CCDC42: variants seen among roughly 807,000 people sequenced by gnomAD.
CCDC42 encodes coiled-coil domain-containing protein 42.
CCDC42 carries 38 observed loss-of-function variants against 40.8 expected under a neutral mutation model. The observed-to-expected ratio is 0.93, with a 90% CI of 0.72 to 1.22. The LOEUF (loss-of-function observed/expected upper bound fraction) is 1.22. CCDC42 is among the 50% of genes most tolerant of loss of function. CCDC42 has a pLI of 0.00. For missense variants in CCDC42, 379 were observed against 416.5 expected (o/e 0.91, Z 0.78); for synonymous variants, 135 against 157.5 (o/e 0.86, Z 1.07).
chr17:8,741,347 G>A (rs1239202733), intron 4 of CCDC42, 127 bp downstream of exon 4: 1 of 931,000 alleles, frequency 1.1e-6, no homozygotes, highest in Non-Finnish European at 1.7e-6. Context: ...CAGAGCTCCT[G>A]GGGCCCAGAG....
rs979862478 is a variant in CCDC42 at position 8,735,933 on chromosome 17, T to C, written c.493-322A>G. On this transcript the variant is annotated intron_variant, in intron 4 of 6. Transcript: ENST00000293845. This position sits in a 1 kb window ranked among gnomAD's most constrained non-coding sequence, Gnocchi z 4.7. ...CAGTCTCCACCCCCAGAGATTCAGA[T>C]GAATAAACAAGTCTTCTGTGGTCTC... is the stretch of plus-strand genomic sequence containing the variant. 6.6e-6 allele frequency among the ~76,000 whole-genome samples: 1 copy of C among 152,190 alleles called. No individual in the cohort carries two copies. The highest frequency in any genetic ancestry group is 2.4e-5 in the African/African-American group (1 of 41,452).
At chr17:8,741,783 C>T in intron 3 of CCDC42, 112 bp from the exon 4 acceptor site, 2 of 1,046,528 alleles carry the variant, frequency 1.9e-6, no homozygotes, top group South Asian at 3.1e-5. Context: ...ACAAACCATC[C>T]TGGCAACAGG....
chr17:8,744,380 A>C, intron 1 of CCDC42, 147 bp downstream of exon 1: 1 of 756,452 alleles, frequency 1.3e-6, no homozygotes. Flanking sequence ...GGTGGAGACC[A>C]GCGTGATGAG....
chr17:8,737,884 C>T (rs974928575), intron 4 of CCDC42, among the ~76,000 whole-genome samples: 20 of 152,362 alleles, frequency 1.3e-4, no homozygotes, highest in Middle Eastern at 3.4e-3. Flanking sequence ...GGCATAAACA[C>T]AGCTCACTGC....
rs781085439 is a variant in CCDC42 at position 8,735,517 on chromosome 17, A to G, written c.587T>C (p.Ile196Thr). The G allele has an allele frequency of 1.2e-6, 2 of 1,614,064 alleles. No individual in the cohort carries two copies. The highest frequency in any genetic ancestry group is 1.1e-5 in the South Asian group (1 of 91,078). Residue 196 changes from isoleucine (I) to threonine (T), a missense_variant, in exon 5 of 7, where the codon ATT becomes ACT. Transcript: ENST00000293845. This position sits in a 1 kb window ranked among gnomAD's most constrained non-coding sequence, Gnocchi z 4.7. ...CGCCAGCCGGGCCTTGGCGCGCTCA[A>G]TCTTCTCCTGGCCTTCCTGCGCAGA... ...MQSAQEGQEK[I>T]ERAKARLARY...
chr17:8,744,028 G>A, intron 2 of CCDC42, 51 bp downstream of exon 2: 6 of 1,220,572 alleles, frequency 4.9e-6, no homozygotes, highest in Admixed American at 3.7e-5. Flanking sequence ...CAGAGCCCCA[G>A]CCCACCCCCT....
chr17:8,742,466 G>A (rs779271927), intron 3 of CCDC42, among the ~76,000 whole-genome samples: 1 of 152,166 alleles, frequency 6.6e-6, no homozygotes, highest in African/African-American at 2.4e-5. Context: ...CTCAGTTACC[G>A]CAATCAGTCC....
At chr17:8,734,564 T>C (rs1220212211) in intron 6 of CCDC42, among the ~76,000 whole-genome samples, 1 of 152,106 alleles carries the variant, frequency 6.6e-6, no homozygotes, top group Admixed American at 6.5e-5. Context: ...TTTGTTTTTT[T>C]GAGGCTGGCC....
Position 8,730,131 on chromosome 17 carries a change from TA to T in CCDC42, c.949del (p.Ter317LysfsTer15). 6.2e-7 allele frequency: 1 copy of T among 1,613,730 alleles called. No individual in the cohort carries two copies. Among genetic ancestry groups the T allele is most frequent in the Non-Finnish European group, 8.5e-7 (1 of 1,179,704 alleles). ...KKKEQQRVRI* is the reference protein window; with the variant it reads ...KKKEQQRVRIX ...ACATTCTGGAACAAGGCTGCCTCCTTAAATCCGGACTCGCTGTTGTTCCTTC... is the reference window on the plus strand; with the variant it reads ...ACATTCTGGAACAAGGCTGCCTCCTTAATCCGGACTCGCTGTTGTTCCTTC... On this transcript the variant is annotated frameshift_variant and stop_lost, in exon 7 of 7. Transcript: ENST00000293845. LOFTEE classifies it high-confidence loss of function.
Position 8,735,800 on chromosome 17 carries a change from C to T in CCDC42, c.493-189G>A, listed in dbSNP as rs571568174. Among the ~76,000 whole-genome samples, 11 of 152,244 alleles carry T rather than the reference C, an allele frequency of 7.2e-5. No individual in the cohort carries two copies. Among genetic ancestry groups the T allele is most frequent in the Non-Finnish European group, 1.0e-4 (7 of 67,998 alleles). ...GCTGCCTGCTTCTCCTGGGTTTGTA[C>T]GGGCCACGGTCCATTTGTTGGGCAG... On this transcript the variant is annotated intron_variant, in intron 4 of 6. Transcript: ENST00000293845. This position sits in a 1 kb window ranked among gnomAD's most constrained non-coding sequence, Gnocchi z 4.7.
At chr17:8,738,600 A>G (rs1029258569) in intron 4 of CCDC42, among the ~76,000 whole-genome samples, 1 of 151,350 alleles carries the variant, frequency 6.6e-6, no homozygotes, top group Non-Finnish European at 1.5e-5. Flanking sequence ...GGAGTAGCTG[A>G]GATTACAGGC....
intron 4 of CCDC42, among the ~76,000 whole-genome samples, chr17:8,737,656 C>A (rs1014540873): frequency 5.3e-5 from 8 of 152,162 alleles, no homozygotes; most frequent in Non-Finnish European, 1.2e-4. Context: ...ATTCTGACTT[C>A]TATCAATAAA....
At chr17:8,731,516 G>T (rs1223787151) in intron 6 of CCDC42, among the ~76,000 whole-genome samples, 1 of 152,138 alleles carries the variant, frequency 6.6e-6, no homozygotes, top group African/African-American at 2.4e-5. Flanking sequence ...CCCATCAATG[G>T]TAGACTGGAT....
rs1478160855 is a variant in CCDC42, at chr17:8,741,663, G to A, written c.303C>T (p.Asp101=). The change falls in exon 4 of 7, where the codon GAC becomes GAT. Residue 101 remains aspartate (D), a synonymous_variant. Coordinates refer to ENST00000293845, the MANE Select transcript of CCDC42 (RefSeq NM_144681.3). ...QKSEQFIQEN[D]QKRIRAMKKA... ...TCTTCATGGCGCGGATCCGTTTCTGGTCGTTCTCCTGGGGCCCGGGGAGGT... is the reference window on the plus strand; with the variant it reads ...TCTTCATGGCGCGGATCCGTTTCTGATCGTTCTCCTGGGGCCCGGGGAGGT... 1.9e-6 allele frequency: 3 copies of A among 1,612,528 alleles called. No homozygotes were observed. Among genetic ancestry groups the A allele is most frequent in the Non-Finnish European group, 1.7e-6 (2 of 1,179,924 alleles).
chr17:8,744,117 T>A lies in CCDC42; in HGVS notation c.151A>T (p.Thr51Ser), dbSNP rs12952995. The change falls in exon 2 of 7, where the codon ACA (threonine) becomes TCA (serine). Residue 51 changes from threonine (T) to serine (S), a missense_variant. Transcript: ENST00000293845. ...ACCATAGTTTGATGCATGATTTCTG[T>A]CTCCTTTTTCTTCTCCAGTAGCCAG... ...SIWLLEKKKE[T>S]EIMHQTMVQK... 6.2e-7 allele frequency: 1 copy of A among 1,613,808 alleles called. No individual in the cohort carries two copies. Among genetic ancestry groups the A allele is most frequent in the Admixed American group, 1.7e-5 (1 of 59,974 alleles).
At position 8,735,888 on chromosome 17, in the gene CCDC42, G is replaced by A. The variant is rs2086609256; in HGVS notation, c.493-277C>T. On this transcript the variant is annotated intron_variant, in intron 4 of 6. Coordinates refer to ENST00000293845, the MANE Select transcript of CCDC42 (RefSeq NM_144681.3). This position sits in a 1 kb window ranked among gnomAD's most constrained non-coding sequence, Gnocchi z 4.7. Reference sequence around the variant, plus strand: ...CTGCATGTGAGAATCACCTGTAGGGGCTTTAAAAAGGACACCTGCCAGTCT... The same window carrying A: ...CTGCATGTGAGAATCACCTGTAGGGACTTTAAAAAGGACACCTGCCAGTCT... 6.6e-6 allele frequency among the ~76,000 whole-genome samples: 1 copy of A among 152,188 alleles called. No individual in the cohort carries two copies. Among genetic ancestry groups the A allele is most frequent in the South Asian group, 2.1e-4 (1 of 4,832 alleles).
chr17:8,742,569 C>T (rs916130696), intron 3 of CCDC42, among the ~76,000 whole-genome samples: 1 of 152,210 alleles, frequency 6.6e-6, no homozygotes, highest in African/African-American at 2.4e-5. Context: ...TTCAGGGGCT[C>T]CTGTGATTCC....
rs2151140142 is a variant in CCDC42 at position 8,741,385 on chromosome 17, T to G, written c.492+89A>C. ...TCCACAGTCCCCAGCCAGCTGAGCC[T>G]GAATTCCATCCCATGGCCCCAGGCC... On this transcript the variant is annotated intron_variant, in intron 4 of 6. Transcript: ENST00000293845. 5 of 1,338,406 alleles carry G rather than the reference T, an allele frequency of 3.7e-6. No homozygotes were observed. The East Asian group carries it at 1.2e-4, about 31-fold the overall frequency. The allele number at this position is 1,338,406 out of a possible 1,614,324, so 82.9% of individuals were successfully genotyped here.
chr17:8,742,784 C>A (rs2086653135), intron 3 of CCDC42, among the ~76,000 whole-genome samples: 1 of 152,190 alleles, frequency 6.6e-6, no homozygotes, highest in Admixed American at 6.5e-5. Context: ...CTGAAAGCAA[C>A]AAGGGAAGCC....
Sources: gnomAD v4.1 joint callset for allele counts (sites outside exome capture counted in the v4.1 genomes callset) on GRCh38, gnomAD v4.1.1 for gene constraint, Gnocchi (gnomAD v3.1) non-coding constraint, MANE v1.5 for transcripts, NCBI Gene and HGNC (gene_info 2026-07-23, HGNC 2026-07-21) for gene names.